PARP6: variants seen among roughly 807,000 people sequenced by gnomAD.
PARP6 encodes the protein protein mono-ADP-ribosyltransferase PARP6.
Under a neutral mutation model 92.0 loss-of-function variants are expected in PARP6, and 27 were observed. That is an observed-to-expected ratio of 0.29 (90% confidence interval 0.22 to 0.40). The LOEUF (loss-of-function observed/expected upper bound fraction) is 0.40, where lower values mean the gene tolerates loss of function less well. Ranked by LOEUF, PARP6 falls within the 10% of genes least tolerant of loss-of-function variation. PARP6 has a pLI of 1.00. For missense variants in PARP6, 501 were observed against 784.5 expected (o/e 0.64, Z 4.32); for synonymous variants, 272 against 281.2 (o/e 0.97, Z 0.33).
At chr15:72,262,993 T>G (rs1171640288) in intron 8 of PARP6, among the ~76,000 whole-genome samples, 1 of 152,198 alleles carries the variant, frequency 6.6e-6, no homozygotes, top group Non-Finnish European at 1.5e-5. Flanking sequence ...CCCTAACCTC[T>G]CCTTTAAGTA....
In PARP6 at chr15:72,271,189, G is replaced by C. The variant is rs2087381229; in HGVS notation, c.-361C>G. On this transcript the variant is annotated 5_prime_UTR_variant, in exon 2 of 24. Transcript: ENST00000569795. ...GGGTGAGGGGTAGGATGACGGCAGC[G>C]TTAGGCCAGAAGTGCCAACTTTTCA... The C allele has an allele frequency of 6.6e-6, 1 of 152,162 alleles. No individual in the cohort carries two copies. Among genetic ancestry groups the C allele is most frequent in the South Asian group, 2.1e-4 (1 of 4,832 alleles). 9.4% of individuals were successfully genotyped at this position (152,162 alleles called of 1,614,324 possible). A position where few individuals can be genotyped will look rare whatever the true frequency, so the allele number is the denominator to read the frequency against.
Position 72,241,465 on chromosome 15 carries a change from T to C in PARP6, c.1883A>G (p.Tyr628Cys). 1 of 1,613,416 alleles carries C rather than the reference T, an allele frequency of 6.2e-7. No homozygotes were observed. The highest frequency in any genetic ancestry group is 8.5e-7 in the Non-Finnish European group (1 of 1,179,296). ...EIMRVIGTQV[Y>C]TN ...AGGGCTGGGGCCCCCTCAGTTTGTG[T>C]AAACCTGAGTTCCGATCACACGCAT... The change falls in exon 24 of 24, where the codon TAC (tyrosine) becomes TGC (cysteine). Residue 628 changes from tyrosine to cysteine, a missense_variant. By Grantham distance (194) the Tyr-to-Cys change is radical (BLOSUM62 -2). Coordinates refer to ENST00000569795, the MANE Select transcript of PARP6 (RefSeq NM_001323532.2). The surrounding 1 kb of genome is among the most constrained non-coding windows in gnomAD (Gnocchi z 4.1).
chr15:72,261,658 A>T lies in PARP6; in HGVS notation c.445T>A (p.Phe149Ile). 6.2e-7 allele frequency: 1 copy of T among 1,614,024 alleles called. No individual in the cohort carries two copies. The highest frequency in any genetic ancestry group is 1.1e-5 in the South Asian group (1 of 91,072). ...SQQWKHLSND[F>I]LKTQQEKRHS... ...CTCTTCTCCTGCTGGGTCTTCAAGAAATCATTGCTCAGATGTTTCCATTGT... is the reference window on the plus strand; with the variant it reads ...CTCTTCTCCTGCTGGGTCTTCAAGATATCATTGCTCAGATGTTTCCATTGT... The change falls in exon 9 of 24, where the codon TTC becomes ATC. Residue 149 changes from phenylalanine (F) to isoleucine (I), a missense_variant. Transcript: ENST00000569795.
chr15:72,252,736 C>T (rs544701068), intron 16 of PARP6, among the ~76,000 whole-genome samples: 98 of 152,308 alleles, frequency 6.4e-4, no homozygotes, highest in African/African-American at 2.2e-3. Context: ...CCGCCCGCCT[C>T]GGCCTCCCAA....
In PARP6 at chr15:72,251,839, GA is replaced by G. The variant is rs2084399679; in HGVS notation, c.1260-585del. Among the ~76,000 whole-genome samples, 4 of 152,340 alleles carry G rather than the reference GA, an allele frequency of 2.6e-5. No individual in the cohort carries two copies. The South Asian group carries it at 8.3e-4, about 32-fold the overall frequency. ...CTAAGCTCTATACAGGCTGAACACA[GA>G]AGATAGAAGAGAACAGACATAAAAC... On this transcript the variant is annotated intron_variant, in intron 16 of 23. Coordinates refer to ENST00000569795, the MANE Select transcript of PARP6 (RefSeq NM_001323532.2).
chr15:72,246,165 T>C (rs1023110307), intron 20 of PARP6, among the ~76,000 whole-genome samples: 2 of 152,260 alleles, frequency 1.3e-5, no homozygotes, highest in Non-Finnish European at 2.9e-5. Context: ...GTTTTGTTTT[T>C]TTGAGACGGA....
At chr15:72,253,879 C>T (rs2084701327) in intron 15 of PARP6, 2 of 450,452 alleles carry the variant, frequency 4.4e-6, no homozygotes, top group Middle Eastern at 3.3e-4. Flanking sequence ...ACAAGTAAAT[C>T]ATTCCTCCTA....
Position 72,261,408 on chromosome 15 carries a change from C to T in PARP6, c.545+150G>A, listed in dbSNP as rs1294484509. On this transcript the variant is annotated intron_variant, in intron 9 of 23. Transcript: ENST00000569795. ...GATAAGGAGTAGAAAGGTAAGGACA[C>T]ATAGGGAACAGGACCATGTGAGTGG... 7.2e-6 allele frequency: 5 copies of T among 692,438 alleles called. No individual in the cohort carries two copies. The Admixed American group carries it at 1.3e-4, about 18-fold the overall frequency. 42.9% of individuals were successfully genotyped at this position (692,438 alleles called of 1,614,324 possible).
Position 72,241,647 on chromosome 15 carries a change from T to C in PARP6, c.1791-90A>G. ...GGAACTGTATTTCAAGGTATGGCCA[T>C]CCCATCCCAGAAGTCAAAGCCCTTT... On this transcript the variant is annotated intron_variant, in intron 23 of 23. Coordinates refer to ENST00000569795, the MANE Select transcript of PARP6 (RefSeq NM_001323532.2). This position sits in a 1 kb window ranked among gnomAD's most constrained non-coding sequence, Gnocchi z 4.1. 3.9e-6 allele frequency: 4 copies of C among 1,029,618 alleles called. No homozygotes were observed. The highest frequency in any genetic ancestry group is 4.8e-5 in the East Asian group (2 of 41,790). The allele number at this position is 1,029,618 out of a possible 1,614,324, so 63.8% of individuals were successfully genotyped here.
In PARP6 at chr15:72,253,996, C is replaced by T. The variant is rs1377917289; in HGVS notation, c.1191+459G>A. On this transcript the variant is annotated intron_variant, in intron 15 of 23. Coordinates refer to ENST00000569795, the MANE Select transcript of PARP6 (RefSeq NM_001323532.2). ...TGTCTATTCATGCAGAGATTGCAGA[C>T]GAGGGGTGGGGAAGTCTGGTGAGGG... 9 of 457,622 alleles carry T rather than the reference C, an allele frequency of 2.0e-5. No individual in the cohort carries two copies. In the East Asian group the frequency reaches 2.7e-4, roughly 14 times the overall value. The allele number at this position is 457,622 out of a possible 1,614,324, so 28.3% of individuals were successfully genotyped here.
intron 14 of PARP6, among the ~76,000 whole-genome samples, chr15:72,255,784 CTTTTTTT>C (rs67560148): frequency 5.4e-5 from 5 of 92,806 alleles, no homozygotes; most frequent in Admixed American, 1.5e-4. Context: ...TTACTTCTCT[CTTTTTTT>C]TTTTTTTTTT....
chr15:72,271,585 G>A (rs911954569), intron 1 of PARP6, among the ~76,000 whole-genome samples: 13 of 152,288 alleles, frequency 8.5e-5, no homozygotes, highest in Non-Finnish European at 4.4e-5. Flanking sequence ...GACCTACAGA[G>A]GTCGACCAAT....
chr15:72,264,214 CACATTCAATAAACTAGAGTTCCTAG>C (rs1356459914), intron 8 of PARP6, among the ~76,000 whole-genome samples: 1 of 152,130 alleles, frequency 6.6e-6, no homozygotes, highest in East Asian at 1.9e-4. Flanking sequence ...TAATGCTCAA[CACATTCAATAAACTAGAGTTCCTAG>C]AGACTTACTC....
intron 2 of PARP6, 68 bp from the exon 3 acceptor site, chr15:72,267,739 C>T (rs1431708773): frequency 2.3e-6 from 1 of 444,144 alleles, no homozygotes; most frequent in Non-Finnish European, 4.0e-6. Context: ...TATACAGGCA[C>T]ACGTATTTAT....
rs375905615 is a variant in PARP6, at chr15:72,266,784, C to T, written c.42G>A (p.Glu14=). ...KGQFWNDDDS[E]GDNESEEFLY... is the part of the protein sequence containing the mutation. ...GAAATTCCTCTGATTCATTATCTCCCTCCGAGTCGTCATCATTCCAGAACT... is the reference window on the plus strand; with the variant it reads ...GAAATTCCTCTGATTCATTATCTCCTTCCGAGTCGTCATCATTCCAGAACT... Residue 14 remains glutamate, a synonymous_variant, in exon 4 of 24, where the codon GAG becomes GAA. Coordinates refer to ENST00000569795, the MANE Select transcript of PARP6 (RefSeq NM_001323532.2). 4 of 1,613,994 alleles carry T rather than the reference C, an allele frequency of 2.5e-6. No homozygotes were observed. The highest frequency in any genetic ancestry group is 2.2e-5 in the South Asian group (2 of 91,080).
chr15:72,262,036 A>G (rs1333220848), intron 8 of PARP6, among the ~76,000 whole-genome samples: 6 of 152,196 alleles, frequency 3.9e-5, no homozygotes, highest in Admixed American at 3.9e-4. Flanking sequence ...TGACAGGGAA[A>G]CAGAAGTGGT....
At chr15:72,267,317 A>T in intron 3 of PARP6, 158 bp downstream of exon 3, 1 of 745,616 alleles carries the variant, frequency 1.3e-6, no homozygotes, top group Non-Finnish European at 2.3e-6. Flanking sequence ...CACACCAAGT[A>T]ATACTGTTTC....
At chr15:72,247,967 C>T (rs1484839340) in intron 20 of PARP6, among the ~76,000 whole-genome samples, 1 of 151,838 alleles carries the variant, frequency 6.6e-6, no homozygotes, top group Admixed American at 6.6e-5. Context: ...GACAGGATTT[C>T]ACCATGTTGG....
At chr15:72,245,203 A>T (rs2083457683) in intron 20 of PARP6, 1 of 152,222 alleles carries the variant, frequency 6.6e-6, no homozygotes, top group Non-Finnish European at 1.5e-5. Flanking sequence ...TCTACTAAAA[A>T]TACAAAAAAA....
Sources: gnomAD v4.1 joint callset for allele counts (sites outside exome capture counted in the v4.1 genomes callset) on GRCh38, gnomAD v4.1.1 for gene constraint, Gnocchi (gnomAD v3.1) non-coding constraint, MANE v1.5 for transcripts, NCBI Gene and HGNC (gene_info 2026-07-23, HGNC 2026-07-21) for gene names.